The following SLC35F3 variants were observed in gnomAD, a reference collection of about 807,000 sequenced individuals.
SLC35F3 encodes the protein putative thiamine transporter SLC35F3.
Under a neutral mutation model 49.9 loss-of-function variants are expected in SLC35F3, and 25 were observed. The observed-to-expected ratio is 0.50, with a 90% CI of 0.37 to 0.70. The LOEUF (loss-of-function observed/expected upper bound fraction) is 0.70, where lower values mean the gene tolerates loss of function less well. Among genes scored for constraint, SLC35F3 ranks in the 30% least tolerant of loss-of-function variants. The probability of loss-of-function intolerance (pLI) is 0.00; values close to 1 mark genes in which losing one functional copy is unlikely to be tolerated. For missense variants in SLC35F3, 525 were observed against 639.8 expected (o/e 0.82, Z 1.94); for synonymous variants, 275 against 265.4 (o/e 1.04, Z -0.35).
chr1:234,077,097 C>T (rs908544236), intron 2 of SLC35F3, among the ~76,000 whole-genome samples: 1 of 150,594 alleles, frequency 6.6e-6, no homozygotes, highest in Admixed American at 6.6e-5. Context: ...CTCCGCTTCC[C>T]GGGTTCACGC....
At chr1:234,261,888 T>G (rs1024895951) in intron 3 of SLC35F3, 1 of 152,330 alleles carries the variant, frequency 6.6e-6, no homozygotes, top group Admixed American at 6.5e-5. Flanking sequence ...AGGGCTTAAC[T>G]AGTGTCGTAC....
At position 234,231,710 on chromosome 1, in the gene SLC35F3, A is replaced by T; in HGVS notation, c.577A>T (p.Thr193Ser). 1 of 1,613,196 alleles carries T rather than the reference A, an allele frequency of 6.2e-7. No homozygotes were observed. The highest frequency in any genetic ancestry group is 8.5e-7 in the Non-Finnish European group (1 of 1,179,408). Residue 193 changes from threonine (T) to serine (S), a missense_variant, in exon 3 of 8, where the codon ACA becomes TCA. This residue lies in a region of SLC35F3 where 216 missense variants were observed against 298.1 expected (regional missense o/e 0.72). Transcript: ENST00000366618. This position sits in a 1 kb window ranked among gnomAD's most constrained non-coding sequence, Gnocchi z 5.4. ...LYYVGHVCKS[T>S]EKQSVKQRYR... The stretch of plus-strand genomic sequence containing the variant: ...CTACGTGGGGCACGTCTGCAAGTCC[A>T]CAGAGAAGCAGTCTGTGAAGCAGCG...
At chr1:233,943,878 T>G (rs1260244410) in intron 2 of SLC35F3, among the ~76,000 whole-genome samples, 1 of 152,236 alleles carries the variant, frequency 6.6e-6, no homozygotes, top group Non-Finnish European at 1.5e-5. Context: ...TTATTTTTAT[T>G]CCTTCATTCT....
At chr1:234,094,155 C>T (rs776517896) in intron 2 of SLC35F3, among the ~76,000 whole-genome samples, 2 of 152,278 alleles carry the variant, frequency 1.3e-5, no homozygotes, top group African/African-American at 2.4e-5. Flanking sequence ...GGGACTCAGC[C>T]GCTGCCCAGA....
intron 2 of SLC35F3, among the ~76,000 whole-genome samples, chr1:234,078,272 C>G (rs966074786): frequency 2.6e-5 from 4 of 152,286 alleles, no homozygotes; most frequent in Non-Finnish European, 4.4e-5. Flanking sequence ...TCTTCCTCCT[C>G]CTCCTCCTTC....
intron 2 of SLC35F3, among the ~76,000 whole-genome samples, chr1:234,229,632 T>G (rs1325555727): frequency 6.6e-6 from 1 of 152,224 alleles, no homozygotes; most frequent in Non-Finnish European, 1.5e-5. Flanking sequence ...TGAAGCTGCA[T>G]TTTATTTTTG....
intron 2 of SLC35F3, among the ~76,000 whole-genome samples, chr1:234,104,590 A>C (rs895132612): frequency 1.3e-5 from 2 of 152,144 alleles, no homozygotes; most frequent in Admixed American, 6.5e-5. Context: ...CCTGTAGCAA[A>C]TATTTTCTTT....
At chr1:234,118,479 C>T (rs147686543) in intron 2 of SLC35F3, among the ~76,000 whole-genome samples, 16 of 152,122 alleles carry the variant, frequency 1.1e-4, no homozygotes, top group African/African-American at 3.9e-4. Context: ...ATATCGCTGG[C>T]GGGCTATGAA....
At position 234,323,125 on chromosome 1, in the gene SLC35F3, T is replaced by C; in HGVS notation, c.1355T>C (p.Ile452Thr). The C allele has an allele frequency of 6.2e-7, 1 of 1,614,092 alleles. No individual in the cohort carries two copies. The highest frequency in any genetic ancestry group is 8.5e-7 in the Non-Finnish European group (1 of 1,180,024). ...LLPEEWDVWL[I>T]KLLTRLKVRK... The stretch of plus-strand genomic sequence containing the variant: ...CCAGAGGAGTGGGATGTCTGGTTGA[T>C]CAAGCTGCTCACCCGACTCAAAGTG... The change falls in exon 8 of 8, where the codon ATC becomes ACC. Residue 452 changes from isoleucine to threonine, a missense_variant. Ile to Thr is a moderately conservative substitution (Grantham distance 89, BLOSUM62 -1). Coordinates refer to ENST00000366618, the MANE Select transcript of SLC35F3 (RefSeq NM_173508.4). The surrounding 1 kb of genome is among the most constrained non-coding windows in gnomAD (Gnocchi z 4.5).
intron 3 of SLC35F3, among the ~76,000 whole-genome samples, chr1:234,273,713 G>A (rs77229513): frequency 0.06 from 9,137 of 152,254 alleles, 329 homozygotes; most frequent in African/African-American, 0.097. Context: ...AGGGTCTGGA[G>A]CAGGGAAGGA....
At chr1:233,980,153 C>T (rs1049309766) in intron 2 of SLC35F3, among the ~76,000 whole-genome samples, 3 of 152,186 alleles carry the variant, frequency 2.0e-5, no homozygotes, top group African/African-American at 7.2e-5. Context: ...ATAGAATATG[C>T]CCTTGAAGGA....
chr1:234,249,371 C>T (rs1311796772), intron 3 of SLC35F3, among the ~76,000 whole-genome samples: 2 of 152,194 alleles, frequency 1.3e-5, no homozygotes, highest in Admixed American at 1.3e-4. Context: ...TCTTCATGGC[C>T]TTGCCTAAAG....
intron 2 of SLC35F3, among the ~76,000 whole-genome samples, chr1:233,932,824 G>A (rs1662266963): frequency 6.6e-6 from 1 of 152,098 alleles, no homozygotes; most frequent in Admixed American, 6.5e-5. Flanking sequence ...CATTAGTCTT[G>A]AATAGTGAGA....
At chr1:234,216,762 G>T (rs540553693) in intron 2 of SLC35F3, among the ~76,000 whole-genome samples, 3 of 152,196 alleles carry the variant, frequency 2.0e-5, no homozygotes, top group African/African-American at 7.2e-5. Context: ...TTCCGCAAAC[G>T]TAAAAGAGAA....
At chr1:234,133,528 G>A (rs922226205) in intron 2 of SLC35F3, among the ~76,000 whole-genome samples, 1 of 152,116 alleles carries the variant, frequency 6.6e-6, no homozygotes, top group African/African-American at 2.4e-5. Flanking sequence ...CTGACATGGG[G>A]GTTAGTGCTG....
chr1:234,244,393 C>T (rs1303859035), intron 3 of SLC35F3, among the ~76,000 whole-genome samples: 1 of 152,100 alleles, frequency 6.6e-6, no homozygotes, highest in Non-Finnish European at 1.5e-5. Flanking sequence ...AAGGAAGAAA[C>T]TATCCATGGG....
At chr1:234,258,225 T>TG (rs1159844964) in intron 3 of SLC35F3, among the ~76,000 whole-genome samples, 3 of 152,144 alleles carry the variant, frequency 2.0e-5, no homozygotes, top group Non-Finnish European at 4.4e-5. Flanking sequence ...GAAATCATAA[T>TG]GGGGGGTCAA....
chr1:234,229,039 G>T (rs1293896655), intron 2 of SLC35F3, among the ~76,000 whole-genome samples: 1 of 152,012 alleles, frequency 6.6e-6, no homozygotes, highest in African/African-American at 2.4e-5. Flanking sequence ...ATTCTTTATG[G>T]GTATATTCCA....
Position 234,071,407 on chromosome 1 carries a change from C to T in SLC35F3, c.284-160010C>T, listed in dbSNP as rs555539607. 1.2e-4 allele frequency among the ~76,000 whole-genome samples: 19 copies of T among 152,208 alleles called. No individual in the cohort carries two copies. In the East Asian group the frequency reaches 1.7e-3, roughly 14 times the overall value. ...CATCCTGGTTTCATTAGAGCAAAGA[C>T]GACGTTCTTGTCACTCCTGCTGGGT... On this transcript the variant is annotated intron_variant, in intron 2 of 7. Coordinates refer to ENST00000366618, the MANE Select transcript of SLC35F3 (RefSeq NM_173508.4).
Sources: gnomAD v4.1 joint callset for allele counts (sites outside exome capture counted in the v4.1 genomes callset) on GRCh38, gnomAD v4.1.1 for gene constraint, gnomAD v4.1.1 regional missense constraint, Gnocchi (gnomAD v3.1) non-coding constraint, MANE v1.5 for transcripts, NCBI Gene and HGNC (gene_info 2026-07-23, HGNC 2026-07-21) for gene names.